The following ITSN1 variants were observed in gnomAD, a reference collection of about 807,000 sequenced individuals.
ITSN1 encodes the protein intersectin-1.
Under a neutral mutation model 239.8 loss-of-function variants are expected in ITSN1, and 58 were observed. That is an observed-to-expected ratio of 0.24 (90% CI 0.20 to 0.30). The LOEUF is 0.30. Ranked by LOEUF, ITSN1 falls within the 10% of genes least tolerant of loss-of-function variation. ITSN1 has a pLI of 1.00. For missense variants in ITSN1, 1,558 were observed against 2,103.3 expected (o/e 0.74, Z 5.07); for synonymous variants, 780 against 770.8 (o/e 1.01, Z -0.20).
chr21:33,851,215 T>A (rs1301142893), intron 29 of ITSN1, among the ~76,000 whole-genome samples: 2 of 151,986 alleles, frequency 1.3e-5, no homozygotes, highest in Non-Finnish European at 2.9e-5. Flanking sequence ...GGCACCTGGG[T>A]GAAGGCTTGC....
intron 20 of ITSN1, among the ~76,000 whole-genome samples, chr21:33,810,365 A>G (rs991994027): frequency 6.6e-6 from 1 of 152,238 alleles, no homozygotes; most frequent in Non-Finnish European, 1.5e-5. Flanking sequence ...CCTTAATACA[A>G]TTGATTATTG....
At chr21:33,657,561 T>A (rs1181597925) in intron 1 of ITSN1, among the ~76,000 whole-genome samples, 2 of 152,190 alleles carry the variant, frequency 1.3e-5, no homozygotes, top group African/African-American at 4.8e-5. Context: ...AGCGGTGTCT[T>A]TTTTTCTAAC....
At chr21:33,756,003 G>A (rs2067882058) in intron 8 of ITSN1, among the ~76,000 whole-genome samples, 1 of 152,120 alleles carries the variant, frequency 6.6e-6, no homozygotes, top group Non-Finnish European at 1.5e-5. Context: ...TTAAATACTT[G>A]TTAGAAAGTT....
intron 9 of ITSN1, 84 bp downstream of exon 9, chr21:33,762,070 G>GT (rs2068374054): frequency 5.4e-6 from 5 of 918,250 alleles, no homozygotes; most frequent in Middle Eastern, 2.3e-4. Context: ...GATTAATACC[G>GT]TTTTTTATGG....
At position 33,882,194 on chromosome 21, in the gene ITSN1, T is replaced by C. The variant is rs754182132; in HGVS notation, c.4342-49T>C. 39 of 1,530,782 alleles carry C rather than the reference T, an allele frequency of 2.5e-5. No homozygotes were observed. The highest frequency in any genetic ancestry group is 3.1e-5 in the Non-Finnish European group (34 of 1,113,246). 94.8% of individuals were successfully genotyped at this position (1,530,782 alleles called of 1,614,324 possible). ...TTCTGATGGAGCCCATGCTTTCAGA[T>C]GCGGAGAAACAAAAATGCTACACTT... On this transcript the variant is annotated intron_variant, in intron 34 of 39. Coordinates refer to ENST00000381318, the MANE Select transcript of ITSN1 (RefSeq NM_003024.3). This position sits in a 1 kb window ranked among gnomAD's most constrained non-coding sequence, Gnocchi z 4.5.
chr21:33,669,280 A>G (rs1311365956), intron 1 of ITSN1, among the ~76,000 whole-genome samples: 1 of 151,866 alleles, frequency 6.6e-6, no homozygotes, highest in Non-Finnish European at 1.5e-5. Context: ...ATGGGGTTTC[A>G]CCACATTGGC....
chr21:33,818,106 CAG>C (rs541765362), intron 22 of ITSN1, 159 bp from the exon 23 acceptor site: 284 of 622,734 alleles, frequency 4.6e-4, no homozygotes, highest in African/African-American at 4.5e-3. Flanking sequence ...TGTTGGGAAA[CAG>C]TGAAGCATCC....
intron 1 of ITSN1, among the ~76,000 whole-genome samples, chr21:33,672,121 T>C (rs1437553903): frequency 6.6e-6 from 1 of 151,690 alleles, no homozygotes; most frequent in Non-Finnish European, 1.5e-5. Flanking sequence ...TGCATGCCTG[T>C]AATCCCAGCT....
intron 27 of ITSN1, among the ~76,000 whole-genome samples, chr21:33,832,991 G>A (rs2074383324): frequency 6.6e-6 from 1 of 151,964 alleles, no homozygotes; most frequent in Admixed American, 6.5e-5. Flanking sequence ...TTCGATCAGA[G>A]CCTTGTTTCT....
rs569385299 is a variant in ITSN1 at position 33,879,421 on chromosome 21, G to A, written c.4342-2822G>A. ...ATTCTGAGATTCTGAGCAGGGCATTGGTGAGGATTGCAGAGGAATGATGGG... is the reference window on the plus strand; with the variant it reads ...ATTCTGAGATTCTGAGCAGGGCATTAGTGAGGATTGCAGAGGAATGATGGG... On this transcript the variant is annotated intron_variant, in intron 34 of 39. Coordinates refer to ENST00000381318, the MANE Select transcript of ITSN1 (RefSeq NM_003024.3). 1.2e-4 allele frequency among the ~76,000 whole-genome samples: 19 copies of A among 152,338 alleles called. No homozygotes were observed. The South Asian group carries it at 3.7e-3, about 30-fold the overall frequency.
intron 7 of ITSN1, among the ~76,000 whole-genome samples, chr21:33,753,093 T>C (rs2067667037): frequency 6.6e-6 from 1 of 152,238 alleles, no homozygotes; most frequent in South Asian, 2.1e-4. Flanking sequence ...AGAGACATTA[T>C]GTTACTCGTG....
At chr21:33,643,075 T>C (rs1380562349) in intron 1 of ITSN1, among the ~76,000 whole-genome samples, 2 of 150,126 alleles carry the variant, frequency 1.3e-5, no homozygotes, top group Non-Finnish European at 3.0e-5. Flanking sequence ...GGCCGCTCCT[T>C]CCCGGGCTGA....
chr21:33,664,523 A>G (rs2089793953), intron 1 of ITSN1, among the ~76,000 whole-genome samples: 1 of 152,148 alleles, frequency 6.6e-6, no homozygotes, highest in African/African-American at 2.4e-5. Context: ...CCACCTCCCT[A>G]CACTGCCACA....
chr21:33,732,142 A>G (rs374755058), intron 4 of ITSN1, among the ~76,000 whole-genome samples: 2 of 152,246 alleles, frequency 1.3e-5, no homozygotes, highest in Non-Finnish European at 2.9e-5. Context: ...GTGGGTTATC[A>G]TAAGTGGTTT....
intron 6 of ITSN1, 90 bp downstream of exon 6, chr21:33,750,412 A>G (rs2067472612): frequency 1.7e-6 from 2 of 1,178,732 alleles, no homozygotes; most frequent in East Asian, 2.4e-5. Flanking sequence ...CGTTCTGATT[A>G]TGTTTAAATG....
At position 33,799,853 on chromosome 21, in the gene ITSN1, T is replaced by C; in HGVS notation, c.2228T>C (p.Val743Ala). Residue 743 changes from valine (V) to alanine (A), a missense_variant, in exon 19 of 40, where the codon GTG (valine) becomes GCG (alanine). Around this residue, in one of 2 missense-constraint regions of ITSN1, gnomAD observed 982 missense variants for 1,209.9 expected, o/e 0.81. Transcript: ENST00000381318. ...TISAQENVKVVYYRALYPFES... is the reference protein window; with the variant it reads ...TISAQENVKVAYYRALYPFES... ...TCTGCACAGGAAAATGTAAAAGTGG[T>C]GTATTACCGGGCACTGTACCCCTTT... 1 of 1,613,990 alleles carries C rather than the reference T, an allele frequency of 6.2e-7. No homozygotes were observed. Among genetic ancestry groups the C allele is most frequent in the Middle Eastern group, 1.6e-4 (1 of 6,062 alleles).
At chr21:33,711,637 G>A (rs1009271086) in intron 1 of ITSN1, among the ~76,000 whole-genome samples, 5 of 135,514 alleles carry the variant, frequency 3.7e-5, no homozygotes, top group African/African-American at 1.4e-4. Flanking sequence ...TTTTGGCTAT[G>A]TCTTTTTCTG....
intron 8 of ITSN1, among the ~76,000 whole-genome samples, chr21:33,760,559 A>G (rs936145650): frequency 5.9e-5 from 9 of 152,158 alleles, no homozygotes; most frequent in African/African-American, 1.2e-4. Context: ...CATTGCCCCA[A>G]TGGATCATAG....
intron 29 of ITSN1, among the ~76,000 whole-genome samples, chr21:33,852,765 T>G (rs1209018121): frequency 6.6e-6 from 1 of 152,216 alleles, no homozygotes; most frequent in African/African-American, 2.4e-5. Context: ...AGAATCCTTC[T>G]GTCACACCAA....
Sources: allele counts gnomAD v4.1 joint callset (sites outside exome capture counted in the v4.1 genomes callset), GRCh38; gene constraint gnomAD v4.1.1; regional missense constraint gnomAD v4.1.1; non-coding constraint Gnocchi (gnomAD v3.1); transcripts MANE v1.5; gene names NCBI Gene and HGNC (gene_info 2026-07-23, HGNC 2026-07-21).